ADAMTS9: variants seen among roughly 807,000 people sequenced by gnomAD.
The protein encoded by ADAMTS9 is A disintegrin and metalloproteinase with thrombospondin motifs 9.
A neutral mutation model predicts 257.1 loss-of-function variants in ADAMTS9; 107 were observed. The observed-to-expected ratio is 0.42, with a 90% CI of 0.36 to 0.49. The LOEUF (loss-of-function observed/expected upper bound fraction) is 0.49, where lower values mean the gene tolerates loss of function less well. Among genes scored for constraint, ADAMTS9 ranks in the 20% least tolerant of loss-of-function variants. ADAMTS9 has a pLI of 0.03. For synonymous variants in ADAMTS9, 982 were observed against 880.9 expected (o/e 1.11, Z -2.03); for missense variants, 2,353 against 2,469.1 (o/e 0.95, Z 1.00).
chr3:64,650,493 A>G (rs1700906056), intron 9 of ADAMTS9: 1 of 154,160 alleles, frequency 6.5e-6, no homozygotes, highest in African/African-American at 2.4e-5. Flanking sequence ...AAGAAAAGAA[A>G]GGAAATGGGA....
At chr3:64,574,659 G>C (rs1221236351) in intron 28 of ADAMTS9, among the ~76,000 whole-genome samples, 1 of 151,864 alleles carries the variant, frequency 6.6e-6, no homozygotes, top group Non-Finnish European at 1.5e-5. Context: ...ATTGAGCCTA[G>C]GGGTTTGGGG....
intron 37 of ADAMTS9, among the ~76,000 whole-genome samples, chr3:64,536,281 AC>A (rs2083048979): frequency 6.6e-6 from 1 of 152,174 alleles, no homozygotes; most frequent in Non-Finnish European, 1.5e-5. Context: ...GTTGAGTTCC[AC>A]CAGAGAAGTA....
Position 64,687,486 on chromosome 3 carries a change from G to T in ADAMTS9, c.115+57C>A, listed in dbSNP as rs1056962604. ...CTGCGGGGTGCCCCTGCCCAGGAGC[G>T]AGGACCGGGAGGCGGCGTCGGGGCC... is the stretch of plus-strand genomic sequence containing the variant. On this transcript the variant is annotated intron_variant, in intron 1 of 39. Coordinates refer to ENST00000498707, the MANE Select transcript of ADAMTS9 (RefSeq NM_182920.2). The surrounding 1 kb of genome is among the most constrained non-coding windows in gnomAD (Gnocchi z 4.4). The T allele has an allele frequency of 5.1e-6, 7 of 1,385,686 alleles. No homozygotes were observed. Among genetic ancestry groups the T allele is most frequent in the Admixed American group, 2.3e-5 (1 of 44,174 alleles). The allele number at this position is 1,385,686 out of a possible 1,614,324, so 85.8% of individuals were successfully genotyped here.
intron 28 of ADAMTS9, chr3:64,590,046 A>G (rs896578409): frequency 2.6e-5 from 4 of 152,120 alleles, no homozygotes; most frequent in Non-Finnish European, 5.9e-5. Context: ...TCTGGCTATA[A>G]TTTATCATTA....
At chr3:64,611,994 G>A (rs935933317) in intron 22 of ADAMTS9, among the ~76,000 whole-genome samples, 3 of 152,324 alleles carry the variant, frequency 2.0e-5, no homozygotes, top group African/African-American at 7.2e-5. Context: ...ACAATTGGCA[G>A]AGTACAGTCA....
chr3:64,647,244 C>CATCATCAGCCCAA (rs1360277339), intron 11 of ADAMTS9, among the ~76,000 whole-genome samples: 1 of 150,958 alleles, frequency 6.6e-6, no homozygotes, highest in Non-Finnish European at 1.5e-5. Flanking sequence ...TTTTTGTTAC[C>CATCATCAGCCCAA]AAATTTTTGG....
chr3:64,543,289 C>T (rs1335229846), intron 32 of ADAMTS9, among the ~76,000 whole-genome samples: 1 of 152,270 alleles, frequency 6.6e-6, no homozygotes, highest in South Asian at 2.1e-4. Context: ...CATTCTGATA[C>T]CAAAGCCTGG....
chr3:64,646,107 A>C (rs141148993), intron 11 of ADAMTS9, among the ~76,000 whole-genome samples: 409 of 152,336 alleles, frequency 2.7e-3, no homozygotes, highest in African/African-American at 9.3e-3. Flanking sequence ...AACATGTGTC[A>C]GAAATAGACA....
At chr3:64,545,538 C>T (rs987752933) in intron 32 of ADAMTS9, among the ~76,000 whole-genome samples, 4 of 152,092 alleles carry the variant, frequency 2.6e-5, no homozygotes, top group African/African-American at 9.7e-5. Flanking sequence ...TGTTCTCACT[C>T]ATAGGTGGGA....
chr3:64,577,171 A>T (rs2083874533), intron 28 of ADAMTS9, among the ~76,000 whole-genome samples: 1 of 152,172 alleles, frequency 6.6e-6, no homozygotes, highest in African/African-American at 2.4e-5. Flanking sequence ...AAACCAAGGA[A>T]ATCTGCAAAT....
chr3:64,672,364 G>A (rs1488020509), intron 3 of ADAMTS9, among the ~76,000 whole-genome samples: 1 of 152,202 alleles, frequency 6.6e-6, no homozygotes, highest in East Asian at 1.9e-4. Context: ...TCTTCTGGCT[G>A]TCTTTGGATC....
chr3:64,629,155 T>C lies in ADAMTS9; in HGVS notation c.2389+2300A>G, dbSNP rs145351084. On this transcript the variant is annotated intron_variant, in intron 16 of 39. Transcript: ENST00000498707. ...CATACTGCCACTTTCACTGCTCCCA[T>C]TGGGGCCAAGCCACCAGCATCTCCC... Among the ~76,000 whole-genome samples, 454 of 152,324 alleles carry C rather than the reference T, an allele frequency of 3.0e-3. 2 individuals are homozygous for C. Among genetic ancestry groups the C allele is most frequent in the Non-Finnish European group, 4.7e-3 (322 of 68,026 alleles).
At chr3:64,575,172 G>A (rs1576053533) in intron 28 of ADAMTS9, among the ~76,000 whole-genome samples, 1 of 152,160 alleles carries the variant, frequency 6.6e-6, no homozygotes, top group Non-Finnish European at 1.5e-5. Flanking sequence ...GGTCAAGAAG[G>A]GAAGGCTGCA....
intron 8 of ADAMTS9, 37 bp downstream of exon 8, chr3:64,654,316 A>G (rs373089049): frequency 2.4e-5 from 38 of 1,583,470 alleles, no homozygotes; most frequent in Non-Finnish European, 3.2e-5. Flanking sequence ...GGTTTAGGTC[A>G]CTCCAAATTA....
rs2083323264 is a variant in ADAMTS9, at chr3:64,555,597, GT to G, written c.4699-4536del. Among the ~76,000 whole-genome samples, 3 of 152,104 alleles carry G rather than the reference GT, an allele frequency of 2.0e-5. No individual in the cohort carries two copies. The South Asian group carries it at 6.2e-4, about 31-fold the overall frequency. On this transcript the variant is annotated intron_variant, in intron 30 of 39. Transcript: ENST00000498707. ...TACCTGTGCAGTTGTGTAAGCAGTTGTGTTTGTAACAGAGCATGTAATTGAG... is the reference window on the plus strand; with the variant it reads ...TACCTGTGCAGTTGTGTAAGCAGTTGGTTTGTAACAGAGCATGTAATTGAG...
chr3:64,613,240 C>A, intron 22 of ADAMTS9, 105 bp downstream of exon 22: 1 of 1,401,300 alleles, frequency 7.1e-7, no homozygotes, highest in Non-Finnish European at 9.7e-7. Context: ...CTGCATGCCA[C>A]CCGGCACAGC....
chr3:64,658,375 C>G, intron 4 of ADAMTS9, 127 bp downstream of exon 4: 1 of 959,470 alleles, frequency 1.0e-6, no homozygotes, highest in South Asian at 1.7e-5. Flanking sequence ...CTTATGTTCT[C>G]TTCAGTCACT....
intron 19 of ADAMTS9, among the ~76,000 whole-genome samples, chr3:64,620,297 C>A (rs1700074844): frequency 6.6e-6 from 1 of 152,174 alleles, no homozygotes. Flanking sequence ...GCAGCCAATA[C>A]CCTTTGATAG....
intron 29 of ADAMTS9, among the ~76,000 whole-genome samples, chr3:64,566,269 G>T (rs948130121): frequency 6.6e-6 from 1 of 152,070 alleles, no homozygotes; most frequent in Non-Finnish European, 1.5e-5. Flanking sequence ...TAACCACTGG[G>T]TCTGATTATT....
Sources: allele counts gnomAD v4.1 joint callset (sites outside exome capture counted in the v4.1 genomes callset), GRCh38; gene constraint gnomAD v4.1.1; non-coding constraint Gnocchi (gnomAD v3.1); transcripts MANE v1.5; gene names NCBI Gene and HGNC (gene_info 2026-07-23, HGNC 2026-07-21).